The following PFKFB2 variants were observed in gnomAD, a reference collection of about 807,000 sequenced individuals.
PFKFB2 encodes the protein 6-phosphofructo-2-kinase/fructose-2,6-bisphosphatase 2.
Under a neutral mutation model 68.0 loss-of-function variants are expected in PFKFB2, and 53 were observed. That is an observed-to-expected ratio of 0.78 (90% CI 0.63 to 0.98). PFKFB2 has a LOEUF of 0.98. Ranked by LOEUF, PFKFB2 falls within the 50% of genes least tolerant of loss-of-function variation. The pLI is 0.00. For missense variants in PFKFB2, 451 were observed against 642.0 expected (o/e 0.70, Z 3.22); for synonymous variants, 222 against 227.6 (o/e 0.98, Z 0.22).
chr1:207,079,338 A>C, downstream of PFKFB2: 1 of 395,698 alleles, frequency 2.5e-6, no homozygotes. Context: ...CCTACCTGTG[A>C]CTGTCTGCAT....
At chr1:207,050,782 G>A (rs1655441676), upstream of PFKFB2, 2 of 1,613,372 alleles carry the variant, frequency 1.2e-6, no homozygotes, top group Non-Finnish European at 1.7e-6. Flanking sequence ...GACCGCCGGG[G>A]GCGATCCCGG....
Position 207,074,524 on chromosome 1 carries a change from C to A in PFKFB2, c.*2153C>A, listed in dbSNP as rs749132678. On this transcript the variant is annotated 3_prime_UTR_variant, in exon 15 of 15. Transcript: ENST00000367080. ...GTCATCACTGGCAACTGACTCCTGACCCCGGGTCCTTTACTCGTATGTCCC... is the reference window on the plus strand; with the variant it reads ...GTCATCACTGGCAACTGACTCCTGAACCCGGGTCCTTTACTCGTATGTCCC... 721 of 985,378 alleles carry A rather than the reference C, an allele frequency of 7.3e-4. No homozygotes were observed. The highest frequency in any genetic ancestry group is 8.2e-4 in the Non-Finnish European group (683 of 829,914). The allele number at this position is 985,378 out of a possible 1,614,324, so 61.0% of individuals were successfully genotyped here.
At position 207,069,420 on chromosome 1, in the gene PFKFB2, G is replaced by T; in HGVS notation, c.988-4G>T. On this transcript the variant is annotated splice_region_variant and splice_polypyrimidine_tract_variant and intron_variant, in intron 10 of 14. Coordinates refer to ENST00000367080, the MANE Select transcript of PFKFB2 (RefSeq NM_006212.2). ...TCAAGCCAGCTTCAAGTGGCTTTTT[G>T]CAGGGTGTGTGTGAAGAGATGACCT... is the stretch of plus-strand genomic sequence containing the variant. The T allele has an allele frequency of 6.2e-7, 1 of 1,610,072 alleles. No homozygotes were observed. The highest frequency in any genetic ancestry group is 8.5e-7 in the Non-Finnish European group (1 of 1,176,640).
chr1:207,070,193 TG>T lies in PFKFB2; in HGVS notation c.1093-85del. On this transcript the variant is annotated intron_variant, in intron 11 of 14. Transcript: ENST00000367080. This position sits in a 1 kb window ranked among gnomAD's most constrained non-coding sequence, Gnocchi z 4.2. The stretch of plus-strand genomic sequence containing the variant: ...GGAAAGCCAGCTGAGGAAGAAGAAG[TG>T]GCCCTTAGTCTCCAAGGTCCAGCCA... The T allele has an allele frequency of 6.7e-7, 1 of 1,502,418 alleles. No homozygotes were observed. Among genetic ancestry groups the T allele is most frequent in the Non-Finnish European group, 9.1e-7 (1 of 1,100,834 alleles). 93.1% of individuals were successfully genotyped at this position (1,502,418 alleles called of 1,614,324 possible). A position where few individuals can be genotyped will look rare whatever the true frequency, so the allele number is the denominator to read the frequency against.
rs1683607204 is a variant in PFKFB2, at chr1:207,075,795, TTC to T, written c.*3426_*3427del. 1.0e-6 allele frequency: 1 copy of T among 984,746 alleles called. No homozygotes were observed. Among genetic ancestry groups the T allele is most frequent in the Non-Finnish European group, 1.2e-6 (1 of 829,402 alleles). 61.0% of individuals were successfully genotyped at this position (984,746 alleles called of 1,614,324 possible). A position where few individuals can be genotyped will look rare whatever the true frequency, so the allele number is the denominator to read the frequency against. ...GTCTAAAGTGGGGAAAGGGAAATTA[TTC>T]TGTTTTCTTATTCTTGCTTCAAGAC... On this transcript the variant is annotated 3_prime_UTR_variant, in exon 15 of 15. Coordinates refer to ENST00000367080, the MANE Select transcript of PFKFB2 (RefSeq NM_006212.2).
chr1:207,067,249 A>G (rs763548698), intron 8 of PFKFB2, among the ~76,000 whole-genome samples: 119 of 152,272 alleles, frequency 7.8e-4, no homozygotes, highest in Admixed American at 1.8e-3. Flanking sequence ...CTATTTATCT[A>G]CATTACTTGT....
intron 1 of PFKFB2, among the ~76,000 whole-genome samples, chr1:207,041,692 A>C (rs1470750218): frequency 1.3e-5 from 2 of 152,220 alleles, no homozygotes; most frequent in African/African-American, 2.4e-5. Flanking sequence ...TGCAATAAAC[A>C]TATGTGTGCA....
rs1165689810 is a variant in PFKFB2 at position 207,073,308 on chromosome 1, T to C, written c.*937T>C. ...TTGCAGGGCTCTTAGAGAGCAGTCA[T>C]GTCTTTTCTCCCATGACTCTCAGGT... is the stretch of plus-strand genomic sequence containing the variant. On this transcript the variant is annotated 3_prime_UTR_variant, in exon 15 of 15. Transcript: ENST00000367080. 1.0e-6 allele frequency: 1 copy of C among 985,440 alleles called. No individual in the cohort carries two copies. Among genetic ancestry groups the C allele is most frequent in the Non-Finnish European group, 1.2e-6 (1 of 829,950 alleles). 61.0% of individuals were successfully genotyped at this position (985,440 alleles called of 1,614,324 possible).
In PFKFB2 at chr1:207,063,133, CT is replaced by C; in HGVS notation, c.309-8del. ...GCTCTCCTTGCTGGTTTCATTTGCTCTTATGGCAGACAGTGTGCTCTGGTGG... is the reference window on the plus strand; with the variant it reads ...GCTCTCCTTGCTGGTTTCATTTGCTCTATGGCAGACAGTGTGCTCTGGTGG... On this transcript the variant is annotated splice_polypyrimidine_tract_variant and intron_variant, in intron 4 of 14. Coordinates refer to ENST00000367080, the MANE Select transcript of PFKFB2 (RefSeq NM_006212.2). The surrounding 1 kb of genome is among the most constrained non-coding windows in gnomAD (Gnocchi z 4.1). 1 of 1,612,784 alleles carries C rather than the reference CT, an allele frequency of 6.2e-7. No homozygotes were observed. Among genetic ancestry groups the C allele is most frequent in the Non-Finnish European group, 8.5e-7 (1 of 1,178,792 alleles).
chr1:207,060,768 T>G (rs1683061655), intron 2 of PFKFB2: 1 of 152,028 alleles, frequency 6.6e-6, no homozygotes, highest in African/African-American at 2.4e-5. Flanking sequence ...CTAGGCATTC[T>G]TATGTTAAGG....
In PFKFB2 at chr1:207,076,225, T is replaced by A; in HGVS notation, c.*3854T>A. 1 of 977,938 alleles carries A rather than the reference T, an allele frequency of 1.0e-6. No individual in the cohort carries two copies. The highest frequency in any genetic ancestry group is 1.2e-6 in the Non-Finnish European group (1 of 823,312). 60.6% of individuals were successfully genotyped at this position (977,938 alleles called of 1,614,324 possible). On this transcript the variant is annotated 3_prime_UTR_variant, in exon 15 of 15. Coordinates refer to ENST00000367080, the MANE Select transcript of PFKFB2 (RefSeq NM_006212.2). ...AACATATGATATAGCTGTTTGGAAA[T>A]AAATTCATCTATGTTACTTTTTTTT...
At chr1:207,064,808 C>T (rs1282724263) in intron 7 of PFKFB2, among the ~76,000 whole-genome samples, 1 of 151,136 alleles carries the variant, frequency 6.6e-6, no homozygotes, top group Non-Finnish European at 1.5e-5. Flanking sequence ...CTCTGTCCTT[C>T]AGCCAAGTGC....
At chr1:207,047,564 C>T (rs150246998) in intron 2 of PFKFB2, 60 of 152,766 alleles carry the variant, frequency 3.9e-4, no homozygotes, top group Non-Finnish European at 1.0e-4. Context: ...TAAGCCTCTT[C>T]ACATTATGTG....
upstream of PFKFB2, chr1:207,049,036 T>G: frequency 6.2e-7 from 1 of 1,613,636 alleles, no homozygotes; most frequent in South Asian, 1.1e-5. Context: ...TTCTCCAAAG[T>G]TGGTATGGCC....
At chr1:207,039,642 T>A (rs562226984) in intron 1 of PFKFB2, among the ~76,000 whole-genome samples, 4 of 151,848 alleles carry the variant, frequency 2.6e-5, no homozygotes, top group Admixed American at 6.6e-5. Context: ...TTACATGTTT[T>A]AAAAAAAAAC....
At position 207,070,281 on chromosome 1, in the gene PFKFB2, C is replaced by A; in HGVS notation, c.1094C>A (p.Ser365Ter). 2 of 1,613,092 alleles carry A rather than the reference C, an allele frequency of 1.2e-6. No homozygotes were observed. The highest frequency in any genetic ancestry group is 1.7e-6 in the Non-Finnish European group (2 of 1,179,922). ...AGCCTGCCCCATTTCCCTCCACAGT[C>A]ATACCAGGACCTGGTGCAGCGGCTG... ...KYLYRYPGGE[S>*]YQDLVQRLEP... is the part of the protein sequence containing the mutation. The change falls in exon 12 of 15, where the codon TCA becomes TAA. Residue 365 changes from serine (S) to a stop codon, truncating the protein, a stop_gained and splice_region_variant. Transcript: ENST00000367080. LOFTEE classifies it high-confidence loss of function. The surrounding 1 kb of genome is among the most constrained non-coding windows in gnomAD (Gnocchi z 4.2).
intron 7 of PFKFB2, 139 bp from the exon 8 acceptor site, chr1:207,064,897 T>C: frequency 1.0e-6 from 1 of 970,560 alleles, no homozygotes; most frequent in Non-Finnish European, 1.5e-6. Context: ...CGGGGGGTAC[T>C]CAATGAGTGG....
At position 207,067,505 on chromosome 1, in the gene PFKFB2, T is replaced by A. The variant is rs149896688; in HGVS notation, c.639T>A (p.Leu213=). The change falls in exon 9 of 15, where the codon CTT becomes CTA. Residue 213 remains leucine, a synonymous_variant. Coordinates refer to ENST00000367080, the MANE Select transcript of PFKFB2 (RefSeq NM_006212.2). ...TTTTCCTTTCCTGTCCCAGGGATCT[T>A]TCTTTCATCAAGGTGATAAACGTGG... is the stretch of plus-strand genomic sequence containing the variant. The part of the protein sequence containing the change: ...PLDPDNYDKD[L]SFIKVINVGQ... 7.5e-4 allele frequency: 1,213 copies of A among 1,612,468 alleles called. 11 individuals carry two copies. In the African/African-American group the frequency reaches 0.013, roughly 18 times the overall value.
downstream of PFKFB2, chr1:207,079,669 A>G (rs1190574888): frequency 6.6e-6 from 1 of 152,388 alleles, no homozygotes; most frequent in South Asian, 2.1e-4. Context: ...AGACTCCCCA[A>G]AATGGGTACC....
Sources: gnomAD v4.1 joint callset for allele counts (sites outside exome capture counted in the v4.1 genomes callset) on GRCh38, gnomAD v4.1.1 for gene constraint, Gnocchi (gnomAD v3.1) non-coding constraint, MANE v1.5 for transcripts, NCBI Gene and HGNC (gene_info 2026-07-23, HGNC 2026-07-21) for gene names.